LRP1B: variants seen among roughly 807,000 people sequenced by gnomAD.
LRP1B encodes low-density lipoprotein receptor-related protein 1B.
Under a neutral mutation model 556.6 loss-of-function variants are expected in LRP1B, and 217 were observed. The ratio of observed to expected loss-of-function variants is 0.39; its 90% CI spans 0.35 to 0.44. The LOEUF is 0.44. LRP1B is among the 20% of genes least tolerant of loss of function. LRP1B has a pLI of 1.00. For missense variants in LRP1B, 5,053 were observed against 5,620.8 expected (o/e 0.90, Z 3.23); for synonymous variants, 2,047 against 1,865.8 (o/e 1.10, Z -2.50).
intron 21 of LRP1B, among the ~76,000 whole-genome samples, chr2:140,917,835 A>G (rs1019971575): frequency 6.6e-6 from 1 of 152,144 alleles, no homozygotes; most frequent in Non-Finnish European, 1.5e-5. Context: ...CGTCATGTAA[A>G]CCATAGACTT....
At chr2:142,042,420 G>T (rs1704094948) in intron 1 of LRP1B, among the ~76,000 whole-genome samples, 1 of 151,468 alleles carries the variant, frequency 6.6e-6, no homozygotes, top group Admixed American at 6.6e-5. Flanking sequence ...GTTTCAAGCA[G>T]AATGACTGGA....
intron 21 of LRP1B, among the ~76,000 whole-genome samples, chr2:140,908,380 A>G (rs901501092): frequency 1.4e-5 from 2 of 146,632 alleles, no homozygotes; most frequent in Non-Finnish European, 3.0e-5. Flanking sequence ...ATATATATAT[A>G]TATATATATA....
intron 7 of LRP1B, among the ~76,000 whole-genome samples, chr2:141,136,474 A>G (rs1701494900): frequency 6.6e-6 from 1 of 151,776 alleles, no homozygotes; most frequent in African/African-American, 2.4e-5. Context: ...TTTTTAAAAG[A>G]CAGTTTTATT....
intron 41 of LRP1B, among the ~76,000 whole-genome samples, chr2:140,689,591 C>T (rs1686166704): frequency 6.6e-6 from 1 of 152,204 alleles, no homozygotes; most frequent in African/African-American, 2.4e-5. Flanking sequence ...CCTCCTTCAC[C>T]TATACAGAGC....
intron 37 of LRP1B, among the ~76,000 whole-genome samples, chr2:140,713,640 T>A (rs543407802): frequency 3.0e-4 from 45 of 152,120 alleles, no homozygotes; most frequent in East Asian, 9.7e-4. Flanking sequence ...GGCAATTTTT[T>A]AAAAATATAT....
chr2:141,718,627 A>T (rs1692706669), intron 2 of LRP1B, among the ~76,000 whole-genome samples: 2 of 152,206 alleles, frequency 1.3e-5, no homozygotes, highest in African/African-American at 4.8e-5. Context: ...TGGACATATG[A>T]TGTCCAAAAT....
intron 31 of LRP1B, among the ~76,000 whole-genome samples, chr2:140,838,200 T>G (rs1423745036): frequency 6.6e-6 from 1 of 152,212 alleles, no homozygotes; most frequent in Admixed American, 6.5e-5. Flanking sequence ...GGACTTGATT[T>G]GCTTATGCTA....
chr2:141,891,713 G>A (rs1336498968), intron 1 of LRP1B, among the ~76,000 whole-genome samples: 1 of 152,026 alleles, frequency 6.6e-6, no homozygotes, highest in Non-Finnish European at 1.5e-5. Context: ...ATGCATCTAA[G>A]CAATTTATAT....
At chr2:141,487,308 C>A (rs1051723300) in intron 2 of LRP1B, among the ~76,000 whole-genome samples, 1 of 152,126 alleles carries the variant, frequency 6.6e-6, no homozygotes, top group African/African-American at 2.4e-5. Context: ...TCTCATCCAT[C>A]TCACCAATGC....
chr2:141,980,368 T>C (rs772960965), intron 1 of LRP1B, among the ~76,000 whole-genome samples: 34 of 152,128 alleles, frequency 2.2e-4, no homozygotes, highest in Non-Finnish European at 4.4e-4. Flanking sequence ...CACAATTACG[T>C]GGGTTTAAGT....
intron 2 of LRP1B, among the ~76,000 whole-genome samples, chr2:141,714,504 G>T: frequency 7.2e-6 from 1 of 138,652 alleles, no homozygotes; most frequent in African/African-American, 2.7e-5. Context: ...GGTTTTGGAA[G>T]TTCATATTAA....
intron 7 of LRP1B, among the ~76,000 whole-genome samples, chr2:141,106,802 A>G (rs1040696978): frequency 2.0e-5 from 3 of 152,164 alleles, no homozygotes; most frequent in Non-Finnish European, 4.4e-5. Flanking sequence ...TCTTTTTCAA[A>G]CATATACTGT....
intron 3 of LRP1B, among the ~76,000 whole-genome samples, chr2:141,267,823 CT>C (rs1269074590): frequency 1.3e-5 from 2 of 152,024 alleles, no homozygotes; most frequent in African/African-American, 4.8e-5. Flanking sequence ...TGTTACCTAG[CT>C]TTTGTGAGAG....
chr2:140,764,368 C>T (rs559798843), intron 35 of LRP1B, among the ~76,000 whole-genome samples: 8 of 152,158 alleles, frequency 5.3e-5, no homozygotes, highest in South Asian at 2.1e-4. Flanking sequence ...AAATGCACGA[C>T]GGCACAGTGG....
At chr2:142,035,857 A>G (rs1703858755) in intron 1 of LRP1B, among the ~76,000 whole-genome samples, 1 of 151,730 alleles carries the variant, frequency 6.6e-6, no homozygotes, top group Non-Finnish European at 1.5e-5. Flanking sequence ...GGAGGAACCC[A>G]GTGGGAGGTA....
chr2:141,917,739 C>T (rs931842271), intron 1 of LRP1B, among the ~76,000 whole-genome samples: 6 of 152,168 alleles, frequency 3.9e-5, no homozygotes, highest in African/African-American at 1.2e-4. Context: ...CACATTCACT[C>T]GTCTCTACTG....
At chr2:140,932,157 A>G (rs1203474253) in intron 20 of LRP1B, among the ~76,000 whole-genome samples, 1 of 152,182 alleles carries the variant, frequency 6.6e-6, no homozygotes, top group Non-Finnish European at 1.5e-5. Context: ...AATATAATTT[A>G]AAAATTATTA....
At chr2:141,981,671 G>A (rs1412771612) in intron 1 of LRP1B, among the ~76,000 whole-genome samples, 3 of 152,146 alleles carry the variant, frequency 2.0e-5, no homozygotes, top group Non-Finnish European at 4.4e-5. Flanking sequence ...AGATCACATA[G>A]ATGTTTACTC....
At chr2:141,772,540 T>C (rs1275810255) in intron 2 of LRP1B, among the ~76,000 whole-genome samples, 1 of 152,282 alleles carries the variant, frequency 6.6e-6, no homozygotes. Flanking sequence ...AACTCTGGGA[T>C]AGGGTCCGGC....
Sources: gnomAD v4.1 joint callset for allele counts (sites outside exome capture counted in the v4.1 genomes callset) on GRCh38, gnomAD v4.1.1 for gene constraint, MANE v1.5 for transcripts, NCBI Gene and HGNC (gene_info 2026-07-23, HGNC 2026-07-21) for gene names.